Variants in UCP1 observed in about 807,000 individuals in gnomAD.
UCP1 encodes the protein uncoupling protein 1, also known as mitochondrial brown fat uncoupling protein 1.
Under a neutral mutation model 26.2 loss-of-function variants are expected in UCP1, and 24 were observed. The ratio of observed to expected loss-of-function variants is 0.92; its 90% CI spans 0.66 to 1.29. The LOEUF (loss-of-function observed/expected upper bound fraction) is 1.29. Ranked by LOEUF, UCP1 falls within the 50% of genes most tolerant of loss-of-function variation. The probability of loss-of-function intolerance (pLI) is 0.00; values close to 1 mark genes in which losing one functional copy is unlikely to be tolerated. For missense variants in UCP1, 402 were observed against 388.7 expected (o/e 1.03, Z -0.29); for synonymous variants, 164 against 156.8 (o/e 1.05, Z -0.34).
intron 5 of UCP1, 77 bp downstream of exon 5, chr4:140,562,116 C>T (rs891863029): frequency 1.9e-5 from 29 of 1,520,906 alleles, no homozygotes; most frequent in Admixed American, 3.3e-5. Context: ...AGCTAAATGT[C>T]GGTTGCTTGA....
In UCP1 at chr4:140,567,960, C is replaced by T; in HGVS notation, c.144G>A (p.Pro48=). 6.2e-7 allele frequency: 1 copy of T among 1,614,170 alleles called. No homozygotes were observed. The highest frequency in any genetic ancestry group is 8.5e-7 in the Non-Finnish European group (1 of 1,180,040). ...CTTTATACCTAATAACACTGGACGT[C>T]GGGCATTCACCTTGGACCTGGAAAT... The part of the protein sequence containing the change: ...KVRLQVQGEC[P]TSSVIRYKGV... The change falls in exon 2 of 6, where the codon CCG becomes CCA. Residue 48 remains proline, a synonymous_variant. Transcript: ENST00000262999.
At position 140,559,858 on chromosome 4, in the gene UCP1, A is replaced by T; in HGVS notation, c.*38T>A. ...TTGTTTTTATGATCCAGTCAGCAAG[A>T]TTCCCACTGGTATGTTACATCATTT... On this transcript the variant is annotated 3_prime_UTR_variant, in exon 6 of 6. Transcript: ENST00000262999. The T allele has an allele frequency of 6.7e-7, 1 of 1,501,696 alleles. No individual in the cohort carries two copies. Among genetic ancestry groups the T allele is most frequent in the Non-Finnish European group, 9.3e-7 (1 of 1,077,786 alleles). The allele number at this position is 1,501,696 out of a possible 1,614,324, so 93.0% of individuals were successfully genotyped here.
chr4:140,567,353 T>C (rs1735821107), intron 2 of UCP1, among the ~76,000 whole-genome samples: 1 of 152,140 alleles, frequency 6.6e-6, no homozygotes, highest in Non-Finnish European at 1.5e-5. Flanking sequence ...CATACACAAA[T>C]GATGAGGGAA....
rs200874530 is a variant in UCP1 at position 140,563,215 on chromosome 4, G to A, written c.527-4C>T. On this transcript the variant is annotated splice_polypyrimidine_tract_variant and splice_region_variant and intron_variant, in intron 3 of 5. Coordinates refer to ENST00000262999, the MANE Select transcript of UCP1 (RefSeq NM_021833.5). Reference sequence around the variant, plus strand: ...CTCATCAGATTGGGAGTAGTCCCTGGGGAAAAAAAAAAAGAAAATGTTTAT... The same window carrying A: ...CTCATCAGATTGGGAGTAGTCCCTGAGGAAAAAAAAAAAGAAAATGTTTAT... 10 of 1,611,040 alleles carry A rather than the reference G, an allele frequency of 6.2e-6. No individual in the cohort carries two copies. The Admixed American group carries it at 8.3e-5, about 13-fold the overall frequency.
chr4:140,559,757 T>C lies in UCP1; in HGVS notation c.*139A>G. 1 of 792,000 alleles carries C rather than the reference T, an allele frequency of 1.3e-6. No individual in the cohort carries two copies. The highest frequency in any genetic ancestry group is 2.0e-6 in the Non-Finnish European group (1 of 494,280). The allele number at this position is 792,000 out of a possible 1,614,324, so 49.1% of individuals were successfully genotyped here. On this transcript the variant is annotated 3_prime_UTR_variant, in exon 6 of 6. Transcript: ENST00000262999. ...GAAATAGGCATTAATTTTCCTCTTT[T>C]TTATATAAAAAAGTCCAAAATTCTC...
rs1166991939 is a variant in UCP1, at chr4:140,559,872, G to A, written c.*24C>T. 2 of 1,565,334 alleles carry A rather than the reference G, an allele frequency of 1.3e-6. No homozygotes were observed. Among genetic ancestry groups the A allele is most frequent in the African/African-American group, 1.4e-5 (1 of 73,866 alleles). On this transcript the variant is annotated 3_prime_UTR_variant, in exon 6 of 6. Transcript: ENST00000262999. ...CAGTCAGCAAGATTCCCACTGGTAT[G>A]TTACATCATTTTCTTGAAGCTGATT...
In UCP1 at chr4:140,568,699, G is replaced by C; in HGVS notation, c.31C>G (p.Pro11Ala). The C allele has an allele frequency of 2.5e-6, 4 of 1,603,108 alleles. No homozygotes were observed. Among genetic ancestry groups the C allele is most frequent in the Non-Finnish European group, 1.7e-6 (2 of 1,175,898 alleles). MGGLTASDVH[P>A]TLGVQLFSAG... ...GAGAAGAGCTGGACCCCCAGGGTCG[G>C]GTGTACGTCCGAGGCTGTCAGGCCC... The change falls in exon 1 of 6, where the codon CCG (proline) becomes GCG (alanine). Residue 11 changes from proline (P) to alanine (A), a missense_variant. Coordinates refer to ENST00000262999, the MANE Select transcript of UCP1 (RefSeq NM_021833.5).
Position 140,562,316 on chromosome 4 carries a change from A to G in UCP1, c.686T>C (p.Met229Thr). The G allele has an allele frequency of 6.2e-7, 1 of 1,614,148 alleles. No homozygotes were observed. The highest frequency in any genetic ancestry group is 2.2e-5 in the East Asian group (1 of 44,886). Residue 229 changes from methionine (M) to threonine (T), a missense_variant, in exon 5 of 6, where the codon ATG (methionine) becomes ACG (threonine). Physicochemically the swap from Met to Thr is moderately conservative, Grantham distance 81 (BLOSUM62 -1). Transcript: ENST00000262999. Reference sequence around the variant, plus strand: ...TTTTACTACATCCACCGGGGAGGACATAGCTGTTGCGCAAAATCCAGCGAT... The same window carrying G: ...TTTTACTACATCCACCGGGGAGGACGTAGCTGTTGCGCAAAATCCAGCGAT... Reference protein sequence around the residue: ...ALIAGFCATAMSSPVDVVKTR... With the variant: ...ALIAGFCATATSSPVDVVKTR...
Position 140,563,528 on chromosome 4 carries a change from G to C in UCP1, c.326-10C>G. On this transcript the variant is annotated splice_polypyrimidine_tract_variant and intron_variant, in intron 2 of 5. Transcript: ENST00000262999. ...CCTAAACTAGGTGCTGCTATCCAGA[G>C]AGAAAAAAAATTATTAAGAAAAAAA... The C allele has an allele frequency of 6.2e-7, 1 of 1,609,162 alleles. No individual in the cohort carries two copies. Among genetic ancestry groups the C allele is most frequent in the Non-Finnish European group, 8.5e-7 (1 of 1,178,754 alleles).
intron 2 of UCP1, among the ~76,000 whole-genome samples, chr4:140,566,810 T>C (rs879276965): frequency 1.4e-4 from 22 of 152,224 alleles, no homozygotes; most frequent in Admixed American, 8.5e-4. Context: ...TACCCTGATA[T>C]TCGGCTAACA....
Position 140,567,927 on chromosome 4 carries a change from C to G in UCP1, c.177G>C (p.Leu59=). ...TTTTTACCACAGCGGTGATTGTTCC[C>G]AGGACACCTTTATACCTAATAACAC... ...TSSVIRYKGV[L]GTITAVVKTE... Residue 59 remains leucine (L), a synonymous_variant, in exon 2 of 6, where the codon CTG becomes CTC. Transcript: ENST00000262999. The G allele has an allele frequency of 6.2e-7, 1 of 1,614,212 alleles. No homozygotes were observed. The highest frequency in any genetic ancestry group is 1.3e-5 in the African/African-American group (1 of 75,050).
Position 140,562,361 on chromosome 4 carries a change from CA to C in UCP1, c.640del (p.Cys214AlafsTer22). On this transcript the variant is annotated frameshift_variant, in exon 5 of 6. Coordinates refer to ENST00000262999, the MANE Select transcript of UCP1 (RefSeq NM_021833.5). LOFTEE classifies it high-confidence loss of function. ...KNNILADDVP[C>X]HLVSALIAGF... is the part of the protein sequence containing the mutation. ...AGCGATAAGAGCCGACACCAAGTGG[CA>C]GGGGACGTCATCTAAAATGGATCGA... 1 of 1,614,006 alleles carries C rather than the reference CA, an allele frequency of 6.2e-7. No individual in the cohort carries two copies. The highest frequency in any genetic ancestry group is 8.5e-7 in the Non-Finnish European group (1 of 1,179,980).
rs1268567176 is a variant in UCP1, at chr4:140,563,367, A to G, written c.477T>C (p.Asn159=). 1.2e-6 allele frequency: 2 copies of G among 1,614,132 alleles called. No individual in the cohort carries two copies. Among genetic ancestry groups the G allele is most frequent in the Non-Finnish European group, 1.7e-6 (2 of 1,180,030 alleles). ...CGGTTGTTGCTATTATTCTGTACGC[A>G]TTATAAGTCCCCGTGTAGCGAGGTT... ...GIKPRYTGTY[N]AYRIIATTEG... is the part of the protein sequence containing the mutation. The change falls in exon 3 of 6, where the codon AAT becomes AAC. Residue 159 remains asparagine, a synonymous_variant. Transcript: ENST00000262999.
intron 2 of UCP1, among the ~76,000 whole-genome samples, chr4:140,565,692 A>G (rs902625413): frequency 1.8e-4 from 27 of 151,762 alleles, no homozygotes; most frequent in Middle Eastern, 3.2e-3. Context: ...CCTTCACTCT[A>G]CTTGGAAGCT....
At chr4:140,564,056 A>G (rs1313151598) in intron 2 of UCP1, among the ~76,000 whole-genome samples, 1 of 152,202 alleles carries the variant, frequency 6.6e-6, no homozygotes, top group Non-Finnish European at 1.5e-5. Context: ...GAACAAGAAA[A>G]CACAATGCTT....
At chr4:140,563,553 A>G (rs1404046546) in intron 2 of UCP1, 35 bp from the exon 3 acceptor site, 2 of 1,589,902 alleles carry the variant, frequency 1.3e-6, no homozygotes, top group East Asian at 2.3e-5. Flanking sequence ...TAAGAAAAAA[A>G]ATTAAAGACC....
chr4:140,561,126 TTTAAG>T, intron 5 of UCP1, among the ~76,000 whole-genome samples: 1 of 152,326 alleles, frequency 6.6e-6, no homozygotes, highest in Middle Eastern at 3.4e-3. Context: ...GTATATCCAT[TTTAAG>T]TTAATTTTAT....
chr4:140,565,560 C>T lies in UCP1; in HGVS notation c.326-2042G>A, dbSNP rs982718729. On this transcript the variant is annotated intron_variant, in intron 2 of 5. Coordinates refer to ENST00000262999, the MANE Select transcript of UCP1 (RefSeq NM_021833.5). ...GGATAAAATCCAAACTCCTTAGCAC[C>T]GCCTGCAAGGCCTTCTGTCATCTGG... 3.9e-5 allele frequency among the ~76,000 whole-genome samples: 6 copies of T among 152,080 alleles called. No individual in the cohort carries two copies. The South Asian group carries it at 8.3e-4, about 21-fold the overall frequency.
At chr4:140,563,009 A>G (rs1735712050) in intron 4 of UCP1, 101 bp downstream of exon 4, 3 of 964,638 alleles carry the variant, frequency 3.1e-6, no homozygotes, top group East Asian at 2.5e-5. Context: ...TAAAAAGAGA[A>G]AACTATTGGA....
Sources: allele counts gnomAD v4.1 joint callset (sites outside exome capture counted in the v4.1 genomes callset), GRCh38; gene constraint gnomAD v4.1.1; transcripts MANE v1.5; gene names NCBI Gene and HGNC (gene_info 2026-07-23, HGNC 2026-07-21).